Variants in TAC3 observed in about 807,000 individuals in gnomAD.
The protein encoded by TAC3 is tachykinin-3.
A neutral mutation model predicts 16.5 loss-of-function variants in TAC3; 9 were observed. That is an observed-to-expected ratio of 0.55 (90% CI 0.33 to 0.95). The LOEUF (loss-of-function observed/expected upper bound fraction) is 0.95, where lower values mean the gene tolerates loss of function less well. Ranked by LOEUF, TAC3 falls within the 40% of genes least tolerant of loss-of-function variation. The pLI is 0.03. For missense variants in TAC3, 129 were observed against 149.1 expected (o/e 0.87, Z 0.70); for synonymous variants, 52 against 56.7 (o/e 0.92, Z 0.37).
chr12:57,013,111 G>T, intron 4 of TAC3: 1 of 723,302 alleles, frequency 1.4e-6, no homozygotes. Flanking sequence ...GAATTTTCAG[G>T]GCCACGAAGA....
In TAC3 at chr12:57,012,390, TC is replaced by T; in HGVS notation, c.354del (p.Arg119GlufsTer39). On this transcript the variant is annotated frameshift_variant, in exon 6 of 7. Coordinates refer to ENST00000458521, the MANE Select transcript of TAC3 (RefSeq NM_013251.4). LOFTEE classifies it high-confidence loss of function. ...GAACAATCCTTACCCTATTCTGCTC[TC>T]GGGGGATACTTGAGGATGCCAAAGC... ...VPSFGILKYPPRAE is the reference protein window; with the variant it reads ...VPSFGILKYPXRAE 6.2e-7 allele frequency: 1 copy of T among 1,613,212 alleles called. No homozygotes were observed. The highest frequency in any genetic ancestry group is 8.5e-7 in the Non-Finnish European group (1 of 1,179,600).
At chr12:57,014,307 G>A (rs1050191371) in intron 2 of TAC3, among the ~76,000 whole-genome samples, 2 of 151,892 alleles carry the variant, frequency 1.3e-5, no homozygotes, top group East Asian at 1.9e-4. Flanking sequence ...CAGCTGCAGA[G>A]AGACAATAAC....
At chr12:57,013,830 C>G (rs971799703) in intron 2 of TAC3, among the ~76,000 whole-genome samples, 159 bp from the exon 3 acceptor site, 1 of 152,124 alleles carries the variant, frequency 6.6e-6, no homozygotes. Context: ...AGTAGGTGCT[C>G]CAGGAGTGAC....
In TAC3 at chr12:57,011,464, G is replaced by T. The variant is rs559454852; in HGVS notation, c.*1+914C>A. ...TGGGAAGACAGTGTCAAGGCGGAAG[G>T]TTCGTGTTTTGACTAGACACTTCCC... is the stretch of plus-strand genomic sequence containing the variant. On this transcript the variant is annotated intron_variant, in intron 6 of 6. Coordinates refer to ENST00000458521, the MANE Select transcript of TAC3 (RefSeq NM_013251.4). Among the ~76,000 whole-genome samples, 279 of 152,294 alleles carry T rather than the reference G, an allele frequency of 1.8e-3. 1 individual carries two copies. Among genetic ancestry groups the T allele is most frequent in the African/African-American group, 6.2e-3 (257 of 41,554 alleles).
At chr12:57,016,344 T>C in intron 1 of TAC3, 43 bp downstream of exon 1, 1 of 408,648 alleles carries the variant, frequency 2.4e-6, no homozygotes, top group South Asian at 1.7e-5. Context: ...TCCTGTCCCC[T>C]GGTGCCAGCT....
chr12:57,015,572 A>C, intron 2 of TAC3, 112 bp downstream of exon 2: 1 of 897,948 alleles, frequency 1.1e-6, no homozygotes, highest in Admixed American at 1.8e-5. Flanking sequence ...AGGGAGGCAA[A>C]ATGCCCTCTG....
At position 57,016,527 on chromosome 12, in the gene TAC3, G is replaced by C. The variant is rs1203872012; in HGVS notation, c.-146C>G. ...AACCGAGTGGAGGGGATCTAGGAAGGCTGCAGTCACTCAGTCCCAGCTCCC... is the reference window on the plus strand; with the variant it reads ...AACCGAGTGGAGGGGATCTAGGAAGCCTGCAGTCACTCAGTCCCAGCTCCC... On this transcript the variant is annotated 5_prime_UTR_variant, in exon 1 of 7. Coordinates refer to ENST00000458521, the MANE Select transcript of TAC3 (RefSeq NM_013251.4). 1 of 454,330 alleles carries C rather than the reference G, an allele frequency of 2.2e-6. No homozygotes were observed. Among genetic ancestry groups the C allele is most frequent in the Admixed American group, 2.4e-5 (1 of 42,540 alleles). The allele number at this position is 454,330 out of a possible 1,614,324, so 28.1% of individuals were successfully genotyped here.
At chr12:57,012,776 C>G in intron 5 of TAC3, 46 bp downstream of exon 5, 1 of 1,614,112 alleles carries the variant, frequency 6.2e-7, no homozygotes, top group Non-Finnish European at 8.5e-7. Flanking sequence ...CTGTCATACT[C>G]TGCCAGTACC....
Position 57,016,407 on chromosome 12 carries a change from G to A in TAC3, c.-26C>T, listed in dbSNP as rs2291855. Reference sequence around the variant, plus strand: ...CCTACCTGTGGAGCAGCTCTGTGCCGGGGGCTGGGTGGTCTGGCAGGATCA... The same window carrying A: ...CCTACCTGTGGAGCAGCTCTGTGCCAGGGGCTGGGTGGTCTGGCAGGATCA... On this transcript the variant is annotated 5_prime_UTR_variant, in exon 1 of 7. Transcript: ENST00000458521. 0.09 allele frequency: 40,762 copies of A among 451,378 alleles called. 2,033 individuals are homozygous for A. Among genetic ancestry groups the A allele is most frequent in the East Asian group, 0.18 (2,563 of 14,288 alleles). The allele number at this position is 451,378 out of a possible 1,614,324, so 28.0% of individuals were successfully genotyped here.
chr12:57,013,875 G>T (rs1279211804), intron 2 of TAC3, among the ~76,000 whole-genome samples: 2 of 152,174 alleles, frequency 1.3e-5, no homozygotes, highest in African/African-American at 4.8e-5. Flanking sequence ...ACTACACAGA[G>T]CCTGTTAGAA....
chr12:57,011,155 C>T (rs1430637023), intron 6 of TAC3, among the ~76,000 whole-genome samples: 1 of 152,198 alleles, frequency 6.6e-6, no homozygotes, highest in African/African-American at 2.4e-5. Flanking sequence ...GTTATTATAG[C>T]TCTTTGTGCC....
intron 2 of TAC3, among the ~76,000 whole-genome samples, chr12:57,014,192 C>T (rs1956342055): frequency 6.6e-6 from 1 of 152,114 alleles, no homozygotes; most frequent in Non-Finnish European, 1.5e-5. Context: ...AGTTCTAGAG[C>T]TGTTGCCCAG....
intron 4 of TAC3, 134 bp downstream of exon 4, chr12:57,013,225 T>G: frequency 1.7e-6 from 2 of 1,174,086 alleles, no homozygotes; most frequent in Non-Finnish European, 2.6e-6. Flanking sequence ...TCAGGAAAGG[T>G]TGGCTGAGCA....
At chr12:57,010,394 G>A in intron 6 of TAC3, 106 bp from the exon 7 acceptor site, 1 of 353,178 alleles carries the variant, frequency 2.8e-6, no homozygotes, top group Non-Finnish European at 5.5e-6. Context: ...GAGAGAAGGG[G>A]AGAGGCGTCT....
At chr12:57,013,803 G>A in intron 2 of TAC3, 132 bp from the exon 3 acceptor site, 1 of 785,784 alleles carries the variant, frequency 1.3e-6, no homozygotes, top group Non-Finnish European at 2.1e-6. Context: ...GTTTCCTCTG[G>A]TTCACACTGG....
At position 57,012,866 on chromosome 12, in the gene TAC3, T is replaced by A. The variant is rs143862988; in HGVS notation, c.248A>T (p.His83Leu). ...ESTSPEKRDM[H>L]DFFVGLMGKR... ...GCCCATAAGTCCCACAAAGAAGTCA[T>A]GCATGTCACCTGCAGAAAAGGGCCA... Residue 83 changes from histidine to leucine, a missense_variant, in exon 5 of 7, where the codon CAT becomes CTT. His to Leu is a moderately conservative substitution (Grantham distance 99). Transcript: ENST00000458521. 1 of 1,614,160 alleles carries A rather than the reference T, an allele frequency of 6.2e-7. No individual in the cohort carries two copies. Among genetic ancestry groups the A allele is most frequent in the African/African-American group, 1.3e-5 (1 of 75,028 alleles).
intron 1 of TAC3, 27 bp from the exon 2 acceptor site, chr12:57,015,829 G>C (rs1217859060): frequency 1.3e-6 from 2 of 1,585,208 alleles, no homozygotes; most frequent in East Asian, 2.2e-5. Context: ...ACAGGACTCA[G>C]GTAAAGGAGA....
At chr12:57,013,070 G>T (rs1956324322) in intron 4 of TAC3, 195 bp from the exon 5 acceptor site, 1 of 806,458 alleles carries the variant, frequency 1.2e-6, no homozygotes, top group Admixed American at 2.1e-5. Flanking sequence ...CACATTTCAA[G>T]AATTTTCTGC....
At chr12:57,013,489 C>A in intron 3 of TAC3, 89 bp downstream of exon 3, 4 of 1,589,146 alleles carry the variant, frequency 2.5e-6, no homozygotes, top group Non-Finnish European at 3.5e-6. Flanking sequence ...AGCTATCCCC[C>A]ATCTCTCTCC....
Sources: allele counts gnomAD v4.1 joint callset (sites outside exome capture counted in the v4.1 genomes callset), GRCh38; gene constraint gnomAD v4.1.1; transcripts MANE v1.5; gene names NCBI Gene and HGNC (gene_info 2026-07-23, HGNC 2026-07-21).